The following KCNIP4 variants were observed in gnomAD, a reference collection of about 807,000 sequenced individuals.
The protein encoded by KCNIP4 is potassium voltage-gated channel interacting protein 4, also known as Kv channel-interacting protein 4.
KCNIP4 carries 12 observed loss-of-function variants against 34.0 expected under a neutral mutation model. That is an observed-to-expected ratio of 0.35 (90% CI 0.23 to 0.57). KCNIP4 has a LOEUF of 0.57. Ranked by LOEUF, KCNIP4 falls within the 20% of genes least tolerant of loss-of-function variation. The pLI is 0.83. For missense variants in KCNIP4, 238 were observed against 311.7 expected, an observed-to-expected ratio of 0.76 and a Z score of 1.78; for synonymous variants, 124 against 102.2, an observed-to-expected ratio of 1.21 and a Z score of -1.29.
intron 1 of KCNIP4, among the ~76,000 whole-genome samples, chr4:21,527,468 G>C (rs2108964134): frequency 6.6e-6 from 1 of 152,166 alleles, no homozygotes; most frequent in East Asian, 1.9e-4. Context: ...GGAAGGACTT[G>C]GTTCAAATTC....
chr4:20,750,277 G>A (rs1753364659), intron 4 of KCNIP4, among the ~76,000 whole-genome samples: 1 of 152,074 alleles, frequency 6.6e-6, no homozygotes, highest in African/African-American at 2.4e-5. Context: ...AGGTCTTTCT[G>A]ACTCTGAGAA....
intron 1 of KCNIP4, among the ~76,000 whole-genome samples, chr4:20,960,067 C>A (rs1733699333): frequency 6.6e-6 from 1 of 152,066 alleles, no homozygotes; most frequent in Non-Finnish European, 1.5e-5. Flanking sequence ...AGTTCCATAA[C>A]AAATAAATAC....
At chr4:20,739,236 T>G (rs1384834437) in intron 5 of KCNIP4, among the ~76,000 whole-genome samples, 2 of 152,158 alleles carry the variant, frequency 1.3e-5, no homozygotes, top group African/African-American at 4.8e-5. Flanking sequence ...AAGAGAGTAG[T>G]TCTCCCAGCA....
chr4:20,915,121 A>G (rs1268060934), intron 1 of KCNIP4, among the ~76,000 whole-genome samples: 1 of 152,190 alleles, frequency 6.6e-6, no homozygotes, highest in African/African-American at 2.4e-5. Context: ...ATCTTCTAGC[A>G]TGACATATAT....
At chr4:21,629,128 T>G (rs1745537517) in intron 1 of KCNIP4, among the ~76,000 whole-genome samples, 1 of 152,088 alleles carries the variant, frequency 6.6e-6, no homozygotes, top group African/African-American at 2.4e-5. Context: ...GCAGGAGGGT[T>G]TGCAAAGCAG....
intron 1 of KCNIP4, among the ~76,000 whole-genome samples, chr4:21,676,646 T>C (rs534048192): frequency 1.3e-5 from 2 of 152,358 alleles, no homozygotes; most frequent in African/African-American, 2.4e-5. Context: ...TTTTATGCTA[T>C]GTAACTTTTT....
chr4:21,481,404 C>A (rs1163385406), intron 1 of KCNIP4, among the ~76,000 whole-genome samples: 27 of 152,076 alleles, frequency 1.8e-4, no homozygotes, highest in Admixed American at 1.8e-3. Context: ...CTGGAGAAGA[C>A]CCTTCCAGGA....
chr4:21,222,999 G>A (rs916554715), intron 1 of KCNIP4, among the ~76,000 whole-genome samples: 8 of 152,154 alleles, frequency 5.3e-5, no homozygotes, highest in Non-Finnish European at 1.2e-4. Flanking sequence ...GCAGAATACT[G>A]GCCTCCCAAA....
chr4:21,360,179 A>T (rs1009575493), intron 1 of KCNIP4, among the ~76,000 whole-genome samples: 10 of 152,116 alleles, frequency 6.6e-5, no homozygotes, highest in African/African-American at 2.2e-4. Flanking sequence ...TACTTATTTG[A>T]TTCTGGTAGA....
chr4:21,089,563 G>T (rs1746789088), intron 1 of KCNIP4, among the ~76,000 whole-genome samples: 1 of 152,132 alleles, frequency 6.6e-6, no homozygotes, highest in South Asian at 2.1e-4. Context: ...GAAAAACAAT[G>T]TTGAAAAATA....
At chr4:21,152,471 A>C (rs918029899) in intron 1 of KCNIP4, among the ~76,000 whole-genome samples, 5 of 152,066 alleles carry the variant, frequency 3.3e-5, no homozygotes, top group African/African-American at 9.7e-5. Flanking sequence ...TCTTGCTTCT[A>C]TCACTGCCCC....
In KCNIP4 at chr4:21,697,789, C is replaced by G. The variant is rs995364876; in HGVS notation, c.61+250782G>C. ...CAGAAGCAGTTGCAACCTCACAGACCATTCAGAGGGAGGCGGGGCCTGCGA... is the reference window on the plus strand; with the variant it reads ...CAGAAGCAGTTGCAACCTCACAGACGATTCAGAGGGAGGCGGGGCCTGCGA... On this transcript the variant is annotated intron_variant, in intron 1 of 8. Transcript: ENST00000382152. 11 of 424,612 alleles carry G rather than the reference C, an allele frequency of 2.6e-5. No homozygotes were observed. The Admixed American group carries it at 6.5e-4, about 25-fold the overall frequency. The allele number at this position is 424,612 out of a possible 1,614,324, so 26.3% of individuals were successfully genotyped here. A position where few individuals can be genotyped will look rare whatever the true frequency, so the allele number is the denominator to read the frequency against.
Position 21,833,459 on chromosome 4 carries a change from T to C in KCNIP4, c.61+115112A>G, listed in dbSNP as rs1446922217. ...GGTTGTTTGTTTTTTTCTTGTAAAT[T>C]TGTTTGAGTTCATTGCAGATTCTGG... On this transcript the variant is annotated intron_variant, in intron 1 of 8. Transcript: ENST00000382152. Among the ~76,000 whole-genome samples the C allele has an allele frequency of 9.2e-5, 14 of 152,272 alleles. No homozygotes were observed. The South Asian group carries it at 2.5e-3, about 27-fold the overall frequency.
chr4:21,591,554 G>T (rs1216940362), intron 1 of KCNIP4, among the ~76,000 whole-genome samples: 1 of 151,808 alleles, frequency 6.6e-6, no homozygotes, highest in Non-Finnish European at 1.5e-5. Flanking sequence ...ACTCCTTTTG[G>T]ATGTACGTGT....
In KCNIP4 at chr4:21,697,316, TAAAAAAAAAAAAA is replaced by T. The variant is rs537856921; in HGVS notation, c.61+251242_61+251254del. 1.4e-5 allele frequency: 17 copies of T among 1,227,186 alleles called. No individual in the cohort carries two copies. In the African/African-American group the frequency reaches 3.5e-4, roughly 25 times the overall value. 76.0% of individuals were successfully genotyped at this position (1,227,186 alleles called of 1,614,324 possible). On this transcript the variant is annotated intron_variant, in intron 1 of 8. Coordinates refer to ENST00000382152, the MANE Select transcript of KCNIP4 (RefSeq NM_025221.6). Reference sequence around the variant, plus strand: ...ATTACCATGCTCTACTAGCCTCTACTAAAAAAAAAAAAAAAAAAAAAAAAAGTCATTACCTGTA... The same window carrying T: ...ATTACCATGCTCTACTAGCCTCTACTAAAAAAAAAAAAGTCATTACCTGTA...
intron 1 of KCNIP4, among the ~76,000 whole-genome samples, chr4:21,172,604 A>T (rs1180125179): frequency 6.6e-6 from 1 of 152,178 alleles, no homozygotes; most frequent in Non-Finnish European, 1.5e-5. Context: ...CAAGCACTTG[A>T]CATGTTGTCC....
chr4:21,077,625 G>T (rs924479296), intron 1 of KCNIP4, among the ~76,000 whole-genome samples: 6 of 151,982 alleles, frequency 3.9e-5, no homozygotes, highest in African/African-American at 1.4e-4. Flanking sequence ...AAGAGCCTTC[G>T]TTGTCTTTCA....
At chr4:21,499,172 A>C (rs1359885043) in intron 1 of KCNIP4, among the ~76,000 whole-genome samples, 1 of 152,014 alleles carries the variant, frequency 6.6e-6, no homozygotes, top group Non-Finnish European at 1.5e-5. Context: ...CTCTACTAAA[A>C]ATACAAAAAT....
At chr4:20,876,418 T>C (rs1724038265) in intron 2 of KCNIP4, among the ~76,000 whole-genome samples, 1 of 152,188 alleles carries the variant, frequency 6.6e-6, no homozygotes, top group African/African-American at 2.4e-5. Context: ...AAAGTGTTTG[T>C]GCTTACATAA....
Sources: gnomAD v4.1 joint callset for allele counts (sites outside exome capture counted in the v4.1 genomes callset) on GRCh38, gnomAD v4.1.1 for gene constraint, MANE v1.5 for transcripts, NCBI Gene and HGNC (gene_info 2026-07-23, HGNC 2026-07-21) for gene names.